LRMDA: variants seen among roughly 807,000 people sequenced by gnomAD.
LRMDA encodes leucine-rich melanocyte differentiation-associated protein.
In LRMDA, 18 loss-of-function variants were observed where a neutral mutation model predicts 29.8. That is an observed-to-expected ratio of 0.60 (90% confidence interval 0.42 to 0.90). The LOEUF (loss-of-function observed/expected upper bound fraction) is 0.90. LRMDA is among the 40% of genes least tolerant of loss of function. The probability of loss-of-function intolerance (pLI) is 0.00; values close to 1 mark genes in which losing one functional copy is unlikely to be tolerated. For missense variants in LRMDA, 273 were observed against 273.9 expected, an observed-to-expected ratio of 1.00 and a Z score of 0.02; for synonymous variants, 125 against 109.4, an observed-to-expected ratio of 1.14 and a Z score of -0.89.
At chr10:75,906,526 T>C (rs1203058212) in intron 2 of LRMDA, among the ~76,000 whole-genome samples, 1 of 152,192 alleles carries the variant, frequency 6.6e-6, no homozygotes, top group African/African-American at 2.4e-5. Flanking sequence ...ACCATATTAA[T>C]AGGCTGGGAT....
At chr10:75,493,896 CGTGT>C (rs10616462) in intron 2 of LRMDA, among the ~76,000 whole-genome samples, 122,241 of 148,320 alleles carry the variant, frequency 0.82, 50,554 homozygotes, top group Non-Finnish European at 0.87. Flanking sequence ...CTGAAATTTA[CGTGT>C]GTGTGTGTGT....
intron 2 of LRMDA, among the ~76,000 whole-genome samples, chr10:75,753,011 T>G (rs901894156): frequency 1.3e-5 from 2 of 150,422 alleles, no homozygotes; most frequent in African/African-American, 5.0e-5. Context: ...GGTTTGAGAT[T>G]GTGTCTGATT....
chr10:75,438,812 A>G (rs1049484478), intron 2 of LRMDA, among the ~76,000 whole-genome samples: 2 of 152,252 alleles, frequency 1.3e-5, no homozygotes, highest in African/African-American at 2.4e-5. Flanking sequence ...CAGACAGGTC[A>G]GAATACTCTT....
chr10:75,889,646 A>G (rs1388432321), intron 2 of LRMDA, among the ~76,000 whole-genome samples: 1 of 152,238 alleles, frequency 6.6e-6, no homozygotes, highest in Admixed American at 6.5e-5. Context: ...AACTTACTAA[A>G]GATCAGAGCT....
intron 2 of LRMDA, among the ~76,000 whole-genome samples, chr10:75,967,826 G>A (rs1045374845): frequency 1.3e-5 from 2 of 152,182 alleles, no homozygotes; most frequent in African/African-American, 4.8e-5. Context: ...CAGCTTCCCT[G>A]GGAGGCCCAC....
chr10:76,089,944 G>A (rs1015236328), intron 5 of LRMDA, among the ~76,000 whole-genome samples: 1 of 152,210 alleles, frequency 6.6e-6, no homozygotes, highest in Non-Finnish European at 1.5e-5. Context: ...ACGCCCACGG[G>A]TTGGTTATGA....
intron 2 of LRMDA, among the ~76,000 whole-genome samples, chr10:75,694,957 C>T (rs986342820): frequency 2.6e-5 from 4 of 152,178 alleles, no homozygotes; most frequent in African/African-American, 9.7e-5. Context: ...AATTCATCAG[C>T]ACATTCTTCC....
At chr10:75,526,414 C>T (rs867482352) in intron 2 of LRMDA, among the ~76,000 whole-genome samples, 34 of 152,016 alleles carry the variant, frequency 2.2e-4, no homozygotes, top group Middle Eastern at 3.4e-3. Context: ...GTAAATAATA[C>T]AGGTGAGAAT....
At chr10:76,508,553 T>C (rs1842980757) in intron 6 of LRMDA, among the ~76,000 whole-genome samples, 1 of 152,220 alleles carries the variant, frequency 6.6e-6, no homozygotes, top group African/African-American at 2.4e-5. Context: ...CAAACTGTTT[T>C]AAGATTTGCC....
chr10:75,893,332 A>T (rs1845526703), intron 2 of LRMDA, among the ~76,000 whole-genome samples: 1 of 152,164 alleles, frequency 6.6e-6, no homozygotes, highest in African/African-American at 2.4e-5. Flanking sequence ...CAAGGCTAAA[A>T]CCCACATCAA....
intron 6 of LRMDA, among the ~76,000 whole-genome samples, chr10:76,448,608 A>G (rs1589191854): frequency 6.6e-6 from 1 of 151,968 alleles, no homozygotes; most frequent in East Asian, 1.9e-4. Flanking sequence ...ATCTCTTTTG[A>G]TATTATTTCT....
rs190951730 is a variant in LRMDA, at chr10:76,446,018, C to G, written c.602-111191C>G. On this transcript the variant is annotated intron_variant, in intron 6 of 6. Coordinates refer to ENST00000611255, the MANE Select transcript of LRMDA (RefSeq NM_001305581.2). ...CCAGCTTCCCCAAAGCAAATATTGT[C>G]ATGCATTTGGTGTGTAGCTAGTCCT... Among the ~76,000 whole-genome samples the G allele has an allele frequency of 2.7e-3, 407 of 152,290 alleles. 4 individuals carry two copies. Among genetic ancestry groups the G allele is most frequent in the African/African-American group, 8.7e-3 (363 of 41,572 alleles).
At chr10:76,539,941 G>C (rs373581864) in intron 6 of LRMDA, among the ~76,000 whole-genome samples, 8 of 151,906 alleles carry the variant, frequency 5.3e-5, no homozygotes, top group Admixed American at 2.6e-4. Flanking sequence ...ATCAAGAATT[G>C]GGTGACTCTG....
intron 6 of LRMDA, among the ~76,000 whole-genome samples, chr10:76,461,048 A>C (rs1390883785): frequency 6.6e-6 from 1 of 152,222 alleles, no homozygotes; most frequent in Non-Finnish European, 1.5e-5. Flanking sequence ...TCTGGAAATT[A>C]AACGAGTTTG....
At chr10:76,062,656 CTGTGTGTGTGTGTGTGTG>C (rs376071517) in intron 5 of LRMDA, among the ~76,000 whole-genome samples, 1 of 139,208 alleles carries the variant, frequency 7.2e-6, no homozygotes, top group African/African-American at 2.8e-5. Context: ...CTTTATCTCT[CTGTGTGTGTGTGTGTGTG>C]TGTGTGTGTG....
chr10:75,996,494 G>T (rs975571870), intron 2 of LRMDA, among the ~76,000 whole-genome samples: 1 of 152,178 alleles, frequency 6.6e-6, no homozygotes, highest in Non-Finnish European at 1.5e-5. Flanking sequence ...CAATCTACTT[G>T]TATAAGATGC....
chr10:76,487,076 A>T (rs757891909), intron 6 of LRMDA, among the ~76,000 whole-genome samples: 2 of 151,966 alleles, frequency 1.3e-5, no homozygotes, highest in African/African-American at 4.8e-5. Flanking sequence ...CTTGGGCAGT[A>T]ACAACATTAA....
chr10:76,554,183 C>T (rs1291196531), intron 6 of LRMDA, among the ~76,000 whole-genome samples: 1 of 152,124 alleles, frequency 6.6e-6, no homozygotes, highest in Non-Finnish European at 1.5e-5. Context: ...CAGAGACGAC[C>T]CCAAGTGATG....
At chr10:75,672,249 C>A (rs1841899689) in intron 2 of LRMDA, among the ~76,000 whole-genome samples, 1 of 151,970 alleles carries the variant, frequency 6.6e-6, no homozygotes, top group African/African-American at 2.4e-5. Context: ...AGATGAGTGG[C>A]CTTGTGAGAG....
Sources: gnomAD v4.1 joint callset for allele counts (sites outside exome capture counted in the v4.1 genomes callset) on GRCh38, gnomAD v4.1.1 for gene constraint, MANE v1.5 for transcripts, NCBI Gene and HGNC (gene_info 2026-07-23, HGNC 2026-07-21) for gene names.